INSYN2B: variants seen among roughly 807,000 people sequenced by gnomAD.
The protein encoded by INSYN2B is protein INSYN2B.
INSYN2B carries 16 observed loss-of-function variants against 41.2 expected under a neutral mutation model. That is an observed-to-expected ratio of 0.39 (90% CI 0.26 to 0.59). INSYN2B has a LOEUF of 0.59. Among genes scored for constraint, INSYN2B ranks in the 20% least tolerant of loss-of-function variants. The pLI, the probability that INSYN2B is intolerant of heterozygous loss-of-function variation, is 0.57. For synonymous variants in INSYN2B, 245 were observed against 244.4 expected, an observed-to-expected ratio of 1.00 and a Z score of -0.02; for missense variants, 608 against 646.4, an observed-to-expected ratio of 0.94 and a Z score of 0.64.
At chr5:169,919,268 G>A (rs1374326764) in intron 1 of INSYN2B, among the ~76,000 whole-genome samples, 1 of 152,220 alleles carries the variant, frequency 6.6e-6, no homozygotes, top group African/African-American at 2.4e-5. Context: ...GGGCAGAGGT[G>A]GGGCCCAAAT....
intron 1 of INSYN2B, among the ~76,000 whole-genome samples, chr5:169,905,568 T>C (rs1361381265): frequency 6.6e-6 from 1 of 152,190 alleles, no homozygotes; most frequent in Non-Finnish European, 1.5e-5. Flanking sequence ...CTGAGGGTAA[T>C]GTCACTCGCT....
intron 1 of INSYN2B, among the ~76,000 whole-genome samples, chr5:169,951,922 A>G (rs1055475080): frequency 7.2e-5 from 11 of 152,126 alleles, no homozygotes; most frequent in African/African-American, 2.4e-4. Context: ...AAACTTCACT[A>G]CCTTGACTCC....
chr5:169,952,265 C>T (rs1172376240), intron 1 of INSYN2B, among the ~76,000 whole-genome samples: 1 of 152,124 alleles, frequency 6.6e-6, no homozygotes, highest in Non-Finnish European at 1.5e-5. Context: ...TCTATCAACT[C>T]GTCCGTATAA....
chr5:169,928,642 A>T (rs1038849528), intron 1 of INSYN2B, among the ~76,000 whole-genome samples: 2 of 152,236 alleles, frequency 1.3e-5, no homozygotes, highest in African/African-American at 4.8e-5. Flanking sequence ...AAACTTTTAA[A>T]AGAGGCAGAG....
chr5:169,958,347 G>A (rs1776949859), intron 1 of INSYN2B, among the ~76,000 whole-genome samples: 1 of 152,136 alleles, frequency 6.6e-6, no homozygotes, highest in Non-Finnish European at 1.5e-5. Context: ...GGTTTCTGGG[G>A]ACAGTGAAAA....
At chr5:169,952,133 C>T (rs953713598) in intron 1 of INSYN2B, among the ~76,000 whole-genome samples, 1 of 152,136 alleles carries the variant, frequency 6.6e-6, no homozygotes, top group Non-Finnish European at 1.5e-5. Context: ...TGAACTGTGA[C>T]TAAGAAAACA....
chr5:169,882,771 A>G lies in INSYN2B; in HGVS notation c.1128T>C (p.Ser376=). The G allele has an allele frequency of 1.9e-6, 3 of 1,551,176 alleles. No individual in the cohort carries two copies. The highest frequency in any genetic ancestry group is 2.6e-6 in the Non-Finnish European group (3 of 1,146,798). ...DTLEFPNCPG[S]NHLPSSLSRS... ...TTGAAAGAGAGGATGGGAGATGATTACTTCCTGGACAATTTGGAAACTCCA... is the reference window on the plus strand; with the variant it reads ...TTGAAAGAGAGGATGGGAGATGATTGCTTCCTGGACAATTTGGAAACTCCA... The change falls in exon 2 of 4, where the codon AGT becomes AGC. Residue 376 remains serine, a synonymous_variant. Coordinates refer to ENST00000377365, the MANE Select transcript of INSYN2B (RefSeq NM_001129891.3).
intron 1 of INSYN2B, among the ~76,000 whole-genome samples, chr5:169,939,015 T>C (rs1404505430): frequency 6.6e-6 from 1 of 151,844 alleles, no homozygotes; most frequent in Non-Finnish European, 1.5e-5. Context: ...GCCATTCTCC[T>C]ACCTTAGCCT....
intron 1 of INSYN2B, among the ~76,000 whole-genome samples, chr5:169,914,886 A>T (rs373516281): frequency 4.6e-5 from 7 of 152,246 alleles, no homozygotes; most frequent in Admixed American, 4.6e-4. Context: ...ACAGACTGAC[A>T]TAACTGTTGT....
intron 1 of INSYN2B, among the ~76,000 whole-genome samples, chr5:169,949,290 C>T (rs1406880799): frequency 6.6e-6 from 1 of 152,070 alleles, no homozygotes; most frequent in African/African-American, 2.4e-5. Context: ...CTTTACTTCC[C>T]AGGAGGGAGA....
chr5:169,942,741 G>A (rs565518232), intron 1 of INSYN2B, among the ~76,000 whole-genome samples: 4 of 152,280 alleles, frequency 2.6e-5, no homozygotes, highest in South Asian at 2.1e-4. Context: ...GAGAGACCAC[G>A]AGGGTTCAGG....
chr5:169,868,535 G>T (rs1771739321), intron 3 of INSYN2B, among the ~76,000 whole-genome samples: 1 of 152,178 alleles, frequency 6.6e-6, no homozygotes, highest in African/African-American at 2.4e-5. Flanking sequence ...CAGGTGGGAG[G>T]ATTCCTTGAG....
rs1772752844 is a variant in INSYN2B, at chr5:169,883,016, A to T, written c.883T>A (p.Ser295Thr). Residue 295 changes from serine to threonine, a missense_variant, in exon 2 of 4, where the codon TCT becomes ACT. Transcript: ENST00000377365. ...SDDKDLGSLS[S>T]QSKETCVPSS... ...GGAACACACGTTTCCTTTGACTGAGATGACAGTGAGCCAAGGTCTTTGTCA... is the reference window on the plus strand; with the variant it reads ...GGAACACACGTTTCCTTTGACTGAGTTGACAGTGAGCCAAGGTCTTTGTCA... 2 of 1,551,510 alleles carry T rather than the reference A, an allele frequency of 1.3e-6. No individual in the cohort carries two copies. Among genetic ancestry groups the T allele is most frequent in the African/African-American group, 1.4e-5 (1 of 72,984 alleles).
At position 169,884,102 on chromosome 5, in the gene INSYN2B, C is replaced by A. The variant is rs1269600536; in HGVS notation, c.-204G>T. ...CGTAGGAACTATCTGTAATGCTTTC[C>A]CTGCAGTTAAAATATTAATTCATTG... On this transcript the variant is annotated 5_prime_UTR_variant, in exon 2 of 4. Coordinates refer to ENST00000377365, the MANE Select transcript of INSYN2B (RefSeq NM_001129891.3). 1 of 416,856 alleles carries A rather than the reference C, an allele frequency of 2.4e-6. No individual in the cohort carries two copies. The highest frequency in any genetic ancestry group is 3.4e-5 in the East Asian group (1 of 29,198). The allele number at this position is 416,856 out of a possible 1,614,324, so 25.8% of individuals were successfully genotyped here. A position where few individuals can be genotyped will look rare whatever the true frequency, so the allele number is the denominator to read the frequency against.
chr5:169,931,414 G>A (rs10475927), intron 1 of INSYN2B, among the ~76,000 whole-genome samples: 63,853 of 152,008 alleles, frequency 0.42, 13,433 homozygotes, highest in East Asian at 0.54. Flanking sequence ...TCTCCCGTTC[G>A]CCTGAACCCT....
chr5:169,896,164 GT>G (rs1308498654), intron 1 of INSYN2B, among the ~76,000 whole-genome samples: 1 of 151,752 alleles, frequency 6.6e-6, no homozygotes, highest in Non-Finnish European at 1.5e-5. Context: ...GCCAGAAACC[GT>G]TGCTCCTGGG....
intron 1 of INSYN2B, among the ~76,000 whole-genome samples, chr5:169,907,372 G>A (rs1774340796): frequency 6.6e-6 from 1 of 152,198 alleles, no homozygotes; most frequent in South Asian, 2.1e-4. Context: ...AAGATCCTCT[G>A]GCCAGTTCTA....
At chr5:169,902,737 G>A (rs1774000090) in intron 1 of INSYN2B, among the ~76,000 whole-genome samples, 1 of 152,136 alleles carries the variant, frequency 6.6e-6, no homozygotes, top group East Asian at 1.9e-4. Context: ...AAATGGGTTG[G>A]GTACTAGGGA....
intron 3 of INSYN2B, among the ~76,000 whole-genome samples, chr5:169,868,173 G>A (rs190911287): frequency 6.6e-6 from 1 of 152,172 alleles, no homozygotes; most frequent in African/African-American, 2.4e-5. Flanking sequence ...CACTGTACCA[G>A]GTTCCAGGAA....
Sources: gnomAD v4.1 joint callset for allele counts (sites outside exome capture counted in the v4.1 genomes callset) on GRCh38, gnomAD v4.1.1 for gene constraint, MANE v1.5 for transcripts, NCBI Gene and HGNC (gene_info 2026-07-23, HGNC 2026-07-21) for gene names.